HAMP: variants seen among roughly 807,000 people sequenced by gnomAD.
The protein encoded by HAMP is hepcidin.
In HAMP, 5 loss-of-function variants were observed where a neutral mutation model predicts 7.8. That is an observed-to-expected ratio of 0.64 (90% CI 0.33 to 1.34). The LOEUF is 1.34. Among genes scored for constraint, HAMP ranks in the 40% most tolerant of loss-of-function variants. The pLI is 0.05. For missense variants in HAMP, 105 were observed against 104.1 expected (o/e 1.01, Z -0.04); for synonymous variants, 52 against 38.6 (o/e 1.35, Z -1.28).
chr19:35,282,794 G>C, intron 1 of HAMP, 127 bp downstream of exon 1: 1 of 798,220 alleles, frequency 1.3e-6, no homozygotes, highest in South Asian at 1.4e-5. Flanking sequence ...ACTGGCAGCT[G>C]AACAGGAACC....
chr19:35,285,116 A>G lies in HAMP; in HGVS notation c.*74A>G. 4.1e-6 allele frequency: 4 copies of G among 974,444 alleles called. No homozygotes were observed. The South Asian group carries it at 5.1e-5, about 12-fold the overall frequency. The allele number at this position is 974,444 out of a possible 1,614,324, so 60.4% of individuals were successfully genotyped here. ...TGCCCCAGAACATAGGTCTTGGAAT[A>G]AAATGGCTGGTTCTTTTGTTTTCCA... On this transcript the variant is annotated 3_prime_UTR_variant, in exon 3 of 3. Transcript: ENST00000222304.
intron 1 of HAMP, chr19:35,283,169 C>A (rs1464546934): frequency 4.7e-6 from 1 of 211,926 alleles, no homozygotes; most frequent in Non-Finnish European, 9.7e-6. Context: ...AACCCCTACG[C>A]CGTGTGGAGT....
chr19:35,284,799 T>A lies in HAMP; in HGVS notation c.101T>A (p.Leu34His). The A allele has an allele frequency of 6.2e-7, 1 of 1,613,772 alleles. No individual in the cohort carries two copies. Among genetic ancestry groups the A allele is most frequent in the Non-Finnish European group, 8.5e-7 (1 of 1,179,780 alleles). ...CTTCTGCTTTCACAGACGGGACAAC[T>A]TGCAGAGCTGCAACCCCAGGACAGA... ...GSVFPQQTGQ[L>H]AELQPQDRAG... Residue 34 changes from leucine (L) to histidine (H), a missense_variant, in exon 2 of 3, where the codon CTT (leucine) becomes CAT (histidine). Leu to His is a moderately conservative substitution (Grantham distance 99, BLOSUM62 -3). Coordinates refer to ENST00000222304, the MANE Select transcript of HAMP (RefSeq NM_021175.4).
chr19:35,282,622 C>G lies in HAMP; in HGVS notation c.45C>G (p.Leu15=), dbSNP rs747626500. 1 of 1,614,028 alleles carries G rather than the reference C, an allele frequency of 6.2e-7. No individual in the cohort carries two copies. The highest frequency in any genetic ancestry group is 8.5e-7 in the Non-Finnish European group (1 of 1,179,882). ...SQIWAACLLL[L]LLLASLTSGS... The stretch of plus-strand genomic sequence containing the variant: ...TCTGGGCCGCTTGCCTCCTGCTCCT[C>G]CTCCTCCTCGCCAGCCTGACCAGTG... Residue 15 remains leucine (L), a synonymous_variant, in exon 1 of 3, where the codon CTC becomes CTG. Coordinates refer to ENST00000222304, the MANE Select transcript of HAMP (RefSeq NM_021175.4).
At chr19:35,282,839 G>A in intron 1 of HAMP, 172 bp downstream of exon 1, 1 of 637,436 alleles carries the variant, frequency 1.6e-6, no homozygotes, top group South Asian at 1.7e-5. Flanking sequence ...TGTAATCCCA[G>A]CACTTTGGGA....
chr19:35,284,337 C>T (rs539954613), intron 1 of HAMP: 3 of 197,432 alleles, frequency 1.5e-5, no homozygotes, highest in African/African-American at 2.3e-5. Flanking sequence ...CCCAGCTACT[C>T]GGGAAGCTGA....
Position 35,284,808 on chromosome 19 carries a change from T to A in HAMP, c.110T>A (p.Leu37Gln), listed in dbSNP as rs1200392968. 3.7e-6 allele frequency: 6 copies of A among 1,613,862 alleles called. No homozygotes were observed. Among genetic ancestry groups the A allele is most frequent in the Admixed American group, 1.7e-5 (1 of 60,000 alleles). ...FPQQTGQLAE[L>Q]QPQDRAGARA... ...TCACAGACGGGACAACTTGCAGAGCTGCAACCCCAGGACAGAGCTGGAGCC... is the reference window on the plus strand; with the variant it reads ...TCACAGACGGGACAACTTGCAGAGCAGCAACCCCAGGACAGAGCTGGAGCC... The change falls in exon 2 of 3, where the codon CTG (leucine) becomes CAG (glutamine). Residue 37 changes from leucine (L) to glutamine (Q), a missense_variant. Leu to Gln is a moderately radical substitution (Grantham distance 113, BLOSUM62 -2). Transcript: ENST00000222304.
chr19:35,282,857 G>C (rs1227989927), intron 1 of HAMP, 190 bp downstream of exon 1: 2 of 599,558 alleles, frequency 3.3e-6, no homozygotes, highest in African/African-American at 3.7e-5. Context: ...GGAGGTTGAG[G>C]CAGGCAGCCC....
In HAMP at chr19:35,282,643, C is replaced by A. The variant is rs776364235; in HGVS notation, c.66C>A (p.Thr22=). 6.2e-7 allele frequency: 1 copy of A among 1,614,084 alleles called. No individual in the cohort carries two copies. Among genetic ancestry groups the A allele is most frequent in the Non-Finnish European group, 8.5e-7 (1 of 1,179,952 alleles). ...LLLLLLLASL[T]SGSVFPQQTG... is the part of the protein sequence containing the mutation. ...TCCTCCTCCTCCTCGCCAGCCTGAC[C>A]AGTGGCTCTGTTTTCCCACAACAGG... is the stretch of plus-strand genomic sequence containing the variant. The change falls in exon 1 of 3, where the codon ACC becomes ACA. Residue 22 remains threonine, a synonymous_variant. Transcript: ENST00000222304.
rs761678599 is a variant in HAMP, at chr19:35,282,548, C to T, written c.-30C>T. The stretch of plus-strand genomic sequence containing the variant: ...CAGACACCAGAGCAAGCTCAAGACC[C>T]AGCAGTGGGACAGCCAGACAGACGG... On this transcript the variant is annotated 5_prime_UTR_variant, in exon 1 of 3. Transcript: ENST00000222304. 1 of 1,580,076 alleles carries T rather than the reference C, an allele frequency of 6.3e-7. No individual in the cohort carries two copies. Among genetic ancestry groups the T allele is most frequent in the Admixed American group, 1.7e-5 (1 of 59,976 alleles).
chr19:35,283,599 A>C (rs960290932), intron 1 of HAMP: 1 of 152,240 alleles, frequency 6.6e-6, no homozygotes, highest in African/African-American at 2.4e-5. Flanking sequence ...GTGACAGTTG[A>C]CCTTCGTCTT....
At chr19:35,284,546 G>A (rs1007067543) in intron 1 of HAMP, 21 of 588,354 alleles carry the variant, frequency 3.6e-5, no homozygotes, top group Admixed American at 1.5e-4. Flanking sequence ...CCAGGCAGGG[G>A]AAGGTGATAT....
At chr19:35,282,948 G>T (rs759199182) in intron 1 of HAMP, 3 of 394,292 alleles carry the variant, frequency 7.6e-6, no homozygotes, top group Non-Finnish European at 1.5e-5. Flanking sequence ...AGCCAGGCTT[G>T]GTGGCAGGTG....
chr19:35,282,989 G>A (rs918349331), intron 1 of HAMP: 7 of 354,452 alleles, frequency 2.0e-5, no homozygotes, highest in Non-Finnish European at 3.3e-5. Flanking sequence ...GGAGACTGAG[G>A]CAGGAGAATT....
chr19:35,284,239 G>A lies in HAMP; in HGVS notation c.91-550G>A, dbSNP rs372237628. The A allele has an allele frequency of 1.4e-4, 23 of 165,794 alleles. No homozygotes were observed. The South Asian group carries it at 3.5e-3, about 25-fold the overall frequency. 10.3% of individuals were successfully genotyped at this position (165,794 alleles called of 1,614,324 possible). Reference sequence around the variant, plus strand: ...GTAGGAAGATCAGTTGAGCCCAGGAGTTCAAGACCAGCTTGGGCAACACAA... The same window carrying A: ...GTAGGAAGATCAGTTGAGCCCAGGAATTCAAGACCAGCTTGGGCAACACAA... On this transcript the variant is annotated intron_variant, in intron 1 of 2. Transcript: ENST00000222304.
chr19:35,284,317 C>T, intron 1 of HAMP: 2 of 192,846 alleles, frequency 1.0e-5, no homozygotes, highest in Non-Finnish European at 2.2e-5. Flanking sequence ...TGGTGGCGTG[C>T]ACCTGCTGTC....
intron 2 of HAMP, 38 bp from the exon 3 acceptor site, chr19:35,284,900 A>G: frequency 1.2e-6 from 2 of 1,607,384 alleles, no homozygotes; most frequent in Non-Finnish European, 1.7e-6. Flanking sequence ...CCCCATGCTA[A>G]GGCCGGTTCC....
Position 35,284,984 on chromosome 19 carries a change from G to A in HAMP, c.197G>A (p.Cys66Tyr). 1 of 1,614,034 alleles carries A rather than the reference G, an allele frequency of 6.2e-7. No homozygotes were observed. The highest frequency in any genetic ancestry group is 8.5e-7 in the Non-Finnish European group (1 of 1,179,914). The change falls in exon 3 of 3, where the codon TGC (cysteine) becomes TAC (tyrosine). Residue 66 changes from cysteine to tyrosine, a missense_variant. Transcript: ENST00000222304. Reference protein sequence around the residue: ...RRRRDTHFPICIFCCGCCHRS... With the variant: ...RRRRDTHFPIYIFCCGCCHRS... ...AGGCGAGACACCCACTTCCCCATCT[G>A]CATTTTCTGCTGCGGCTGCTGTCAT...
chr19:35,285,110 T>C lies in HAMP; in HGVS notation c.*68T>C. On this transcript the variant is annotated 3_prime_UTR_variant, in exon 3 of 3. Coordinates refer to ENST00000222304, the MANE Select transcript of HAMP (RefSeq NM_021175.4). ...TCCTGCTGCCCCAGAACATAGGTCT[T>C]GGAATAAAATGGCTGGTTCTTTTGT... is the stretch of plus-strand genomic sequence containing the variant. 1 of 987,058 alleles carries C rather than the reference T, an allele frequency of 1.0e-6. No individual in the cohort carries two copies. The highest frequency in any genetic ancestry group is 1.7e-5 in the Admixed American group (1 of 58,944). The allele number at this position is 987,058 out of a possible 1,614,324, so 61.1% of individuals were successfully genotyped here.
Sources: gnomAD v4.1 joint callset for allele counts on GRCh38, gnomAD v4.1.1 for gene constraint, MANE v1.5 for transcripts, NCBI Gene and HGNC (gene_info 2026-07-23, HGNC 2026-07-21) for gene names.